The following TTLL11 variants were observed in gnomAD, a reference collection of about 807,000 sequenced individuals.
TTLL11 encodes tubulin tyrosine ligase like 11.
A neutral mutation model predicts 51.7 loss-of-function variants in TTLL11; 42 were observed. The ratio of observed to expected loss-of-function variants is 0.81; its 90% CI spans 0.64 to 1.05. TTLL11 has a LOEUF of 1.05. Among genes scored for constraint, TTLL11 ranks in the 50% least tolerant of loss-of-function variants. The probability of loss-of-function intolerance (pLI) is 0.00; values close to 1 mark genes in which losing one functional copy is unlikely to be tolerated. For missense variants in TTLL11, 799 were observed against 940.4 expected, an observed-to-expected ratio of 0.85 and a Z score of 1.97; for synonymous variants, 381 against 383.5, an observed-to-expected ratio of 0.99 and a Z score of 0.08.
chr9:121,915,963 TG>T (rs1256470345), intron 6 of TTLL11, among the ~76,000 whole-genome samples: 1 of 144,634 alleles, frequency 6.9e-6, no homozygotes, highest in Non-Finnish European at 1.5e-5. Flanking sequence ...GAAGAAATAT[TG>T]GCATGTATAG....
chr9:121,997,490 G>A (rs1015459846), intron 3 of TTLL11, among the ~76,000 whole-genome samples: 1 of 152,102 alleles, frequency 6.6e-6, no homozygotes, highest in East Asian at 1.9e-4. Context: ...GGTGACACAG[G>A]CGCACGTGGG....
chr9:121,906,298 G>C (rs1356568621), intron 6 of TTLL11, among the ~76,000 whole-genome samples: 1 of 151,930 alleles, frequency 6.6e-6, no homozygotes, highest in Non-Finnish European at 1.5e-5. Context: ...GAGTAGCATG[G>C]GAACTTGGGA....
intron 8 of TTLL11, among the ~76,000 whole-genome samples, chr9:121,839,075 A>G (rs1837276446): frequency 6.6e-6 from 1 of 152,204 alleles, no homozygotes; most frequent in African/African-American, 2.4e-5. Flanking sequence ...CGAAGCTTCC[A>G]TCTCAGCATT....
At chr9:122,037,474 C>T (rs2131820759) in intron 2 of TTLL11, among the ~76,000 whole-genome samples, 1 of 152,234 alleles carries the variant, frequency 6.6e-6, no homozygotes, top group South Asian at 2.1e-4. Flanking sequence ...TACTAGGCCA[C>T]AAAGCATATG....
chr9:122,008,228 T>C (rs1208011683), intron 3 of TTLL11, among the ~76,000 whole-genome samples: 1 of 152,190 alleles, frequency 6.6e-6, no homozygotes, highest in Non-Finnish European at 1.5e-5. Context: ...GGACCTTCTT[T>C]TGCTATACAT....
intron 4 of TTLL11, among the ~76,000 whole-genome samples, chr9:121,981,300 A>G (rs1842823470): frequency 6.6e-6 from 1 of 152,102 alleles, no homozygotes; most frequent in Non-Finnish European, 1.5e-5. Context: ...TACGTCTTCA[A>G]GTTCACTGAT....
intron 6 of TTLL11, among the ~76,000 whole-genome samples, chr9:121,871,422 T>C (rs939641685): frequency 4.6e-5 from 7 of 152,012 alleles, no homozygotes; most frequent in African/African-American, 1.7e-4. Flanking sequence ...ATGTCTCCCA[T>C]CTCCTTGAAC....
In TTLL11 at chr9:122,036,141, TCCAGCAAAGCC is replaced by T. The variant is rs1844693187; in HGVS notation, c.559+3120_559+3130del. ...GGACCCCCACAGCATTCCAGCTTCC[TCCAGCAAAGCC>T]CCTAGGCTGTATTTTTCTTCTCTCT... On this transcript the variant is annotated intron_variant, in intron 2 of 8. Coordinates refer to ENST00000321582, the MANE Select transcript of TTLL11 (RefSeq NM_001139442.2). 3.9e-5 allele frequency among the ~76,000 whole-genome samples: 6 copies of T among 152,188 alleles called. No individual in the cohort carries two copies. The South Asian group carries it at 1.2e-3, about 32-fold the overall frequency.
chr9:121,884,436 T>G (rs1431269313), intron 6 of TTLL11, among the ~76,000 whole-genome samples: 1 of 152,116 alleles, frequency 6.6e-6, no homozygotes, highest in Non-Finnish European at 1.5e-5. Context: ...TCAGTTGTCA[T>G]GGCAACATCC....
chr9:122,047,652 A>G (rs370030213), intron 1 of TTLL11, among the ~76,000 whole-genome samples: 2 of 152,296 alleles, frequency 1.3e-5, no homozygotes, highest in Admixed American at 6.5e-5. Context: ...CTGAGAGGTC[A>G]GACAAGATGA....
intron 6 of TTLL11, among the ~76,000 whole-genome samples, chr9:121,881,537 G>T (rs925084729): frequency 1.2e-4 from 19 of 152,130 alleles, no homozygotes; most frequent in African/African-American, 4.6e-4. Context: ...TTGCTTTGAG[G>T]GCTCTCGCCA....
In TTLL11 at chr9:121,826,201, T is replaced by C. The variant is rs1370752565; in HGVS notation, c.1841-3322A>G. Among the ~76,000 whole-genome samples the C allele has an allele frequency of 5.1e-3, 574 of 111,978 alleles. 60 individuals carry two copies. The highest frequency in any genetic ancestry group is 0.02 in the African/African-American group (519 of 25,766). 73.5% of individuals were successfully genotyped at this position (111,978 alleles called of 152,430 possible). A position where few individuals can be genotyped will look rare whatever the true frequency, so the allele number is the denominator to read the frequency against. On this transcript the variant is annotated intron_variant, in intron 8 of 8. Coordinates refer to ENST00000321582, the MANE Select transcript of TTLL11 (RefSeq NM_001139442.2). The stretch of plus-strand genomic sequence containing the variant: ...CCAGTAACCTATATATATATATATA[T>C]ATATATATATATATATGCACACATA...
intron 6 of TTLL11, among the ~76,000 whole-genome samples, chr9:121,972,854 T>C (rs1455046320): frequency 6.6e-6 from 1 of 152,222 alleles, no homozygotes; most frequent in African/African-American, 2.4e-5. Context: ...CATAGGGTGA[T>C]ATTTGGGCTT....
At chr9:121,919,224 A>G (rs1840439453) in intron 6 of TTLL11, among the ~76,000 whole-genome samples, 1 of 152,240 alleles carries the variant, frequency 6.6e-6, no homozygotes, top group Non-Finnish European at 1.5e-5. Context: ...CCATTTTTGT[A>G]TATTTCAATA....
chr9:121,994,764 T>C (rs1298663606), intron 3 of TTLL11, among the ~76,000 whole-genome samples: 1 of 152,148 alleles, frequency 6.6e-6, no homozygotes, highest in Non-Finnish European at 1.5e-5. Context: ...AGCAACTTAA[T>C]TAGATGTGTA....
intron 8 of TTLL11, among the ~76,000 whole-genome samples, chr9:121,857,920 A>C (rs1046208669): frequency 3.3e-5 from 5 of 152,192 alleles, no homozygotes; most frequent in Non-Finnish European, 7.3e-5. Context: ...ATCAATTTCA[A>C]TATTTAATAA....
At chr9:121,824,828 TG>T (rs1340154816) in intron 8 of TTLL11, among the ~76,000 whole-genome samples, 4 of 152,214 alleles carry the variant, frequency 2.6e-5, no homozygotes, top group Non-Finnish European at 1.5e-5. Flanking sequence ...TACCTGCTTC[TG>T]GCACTGGGGG....
intron 3 of TTLL11, among the ~76,000 whole-genome samples, chr9:122,005,638 G>A (rs956910214): frequency 6.6e-6 from 1 of 152,140 alleles, no homozygotes; most frequent in Non-Finnish European, 1.5e-5. Flanking sequence ...AAATTAAGTG[G>A]GAATCAGGCA....
At chr9:122,002,428 C>G (rs1843495763) in intron 3 of TTLL11, among the ~76,000 whole-genome samples, 1 of 152,204 alleles carries the variant, frequency 6.6e-6, no homozygotes, top group Admixed American at 6.5e-5. Context: ...TGGGCTCCAA[C>G]TCTTTCCTTA....
Sources: gnomAD v4.1 joint callset for allele counts (sites outside exome capture counted in the v4.1 genomes callset) on GRCh38, gnomAD v4.1.1 for gene constraint, MANE v1.5 for transcripts, NCBI Gene and HGNC (gene_info 2026-07-23, HGNC 2026-07-21) for gene names.